The following COL6A5 variants were observed in gnomAD, a reference collection of about 807,000 sequenced individuals.
COL6A5 encodes the protein collagen type VI alpha 5 chain.
COL6A5 carries 48 observed loss-of-function variants against 65.6 expected under a neutral mutation model. The ratio of observed to expected loss-of-function variants is 0.73; its 90% CI spans 0.58 to 0.93. The LOEUF is 0.93. Ranked by LOEUF, COL6A5 falls within the 40% of genes least tolerant of loss-of-function variation. COL6A5 has a pLI of 0.00. For missense variants in COL6A5, 914 were observed against 928.3 expected (o/e 0.98, Z 0.20); for synonymous variants, 291 against 322.8 (o/e 0.90, Z 1.05).
intron 4 of COL6A5, among the ~76,000 whole-genome samples, chr3:130,383,984 A>G (rs1936094054): frequency 6.6e-6 from 1 of 152,120 alleles, no homozygotes; most frequent in Admixed American, 6.6e-5. Flanking sequence ...TCATGAACAA[A>G]TGAAGAAGGT....
intron 17 of COL6A5, among the ~76,000 whole-genome samples, chr3:130,407,570 G>A (rs147991015): frequency 7.2e-5 from 11 of 152,348 alleles, no homozygotes; most frequent in Non-Finnish European, 1.3e-4. Context: ...TGCTAAGGGT[G>A]TAGCGGGGTT....
chr3:130,469,257 C>G, exon 6 of COL6A5: 2 of 1,613,070 alleles, frequency 1.2e-6, no homozygotes, highest in Non-Finnish European at 1.7e-6. Context: ...GCTGGCGAAA[C>G]CAACTCTTTA....
At chr3:130,434,094 C>T (rs1037218837) in intron 1 of COL6A5, among the ~76,000 whole-genome samples, 3 of 152,148 alleles carry the variant, frequency 2.0e-5, no homozygotes, top group Non-Finnish European at 4.4e-5. Flanking sequence ...GCCTCAACCC[C>T]CACCCCTCGA....
chr3:130,470,813 G>A, intron 6 of COL6A5, 58 bp from the exon 39 acceptor site: 2 of 1,250,126 alleles, frequency 1.6e-6, no homozygotes, highest in Non-Finnish European at 2.3e-6. Context: ...TCTGACTTTG[G>A]GTGAGATAAT....
intron 1 of COL6A5, among the ~76,000 whole-genome samples, chr3:130,364,099 A>AT (rs1230164562): frequency 1.2e-4 from 19 of 152,208 alleles, no homozygotes; most frequent in Admixed American, 4.6e-4. Flanking sequence ...CTAAGGTGCT[A>AT]TTAATCGTTG....
At chr3:130,367,821 G>A (rs1456542301) in intron 1 of COL6A5, among the ~76,000 whole-genome samples, 2 of 152,146 alleles carry the variant, frequency 1.3e-5, no homozygotes, top group Non-Finnish European at 2.9e-5. Flanking sequence ...ATCATGAGTC[G>A]GATTTGGTCA....
chr3:130,424,287 C>G (rs1046688199), intron 29 of COL6A5, among the ~76,000 whole-genome samples: 2 of 152,044 alleles, frequency 1.3e-5, no homozygotes, highest in African/African-American at 4.8e-5. Flanking sequence ...ACTATTGTTG[C>G]CTTCCTATCC....
At chr3:130,482,876 G>A (rs1710284860) in intron 7 of COL6A5, among the ~76,000 whole-genome samples, 1 of 152,106 alleles carries the variant, frequency 6.6e-6, no homozygotes, top group Non-Finnish European at 1.5e-5. Context: ...AAATGCTTGT[G>A]ATTTTTGCAC....
exon 3 of COL6A5, chr3:130,376,410 G>A: frequency 4.3e-6 from 7 of 1,613,416 alleles, no homozygotes; most frequent in Non-Finnish European, 5.9e-6. Flanking sequence ...GTTTCACAGT[G>A]AATTCCATCT....
intron 12 of COL6A5, 66 bp downstream of exon 12, chr3:130,401,920 T>C: frequency 2.6e-6 from 3 of 1,165,824 alleles, no homozygotes; most frequent in Non-Finnish European, 3.7e-6. Flanking sequence ...GGACTGAGAC[T>C]GAGTGGTTGA....
At chr3:130,470,902 G>A (rs1302629444) in exon 7 of COL6A5, 1 of 1,612,572 alleles carries the variant, frequency 6.2e-7, no homozygotes, top group South Asian at 1.1e-5. Context: ...CCGAAGATAT[G>A]AAAGCCACAT....
chr3:130,351,394 G>T (rs531141730), intron 1 of COL6A5, among the ~76,000 whole-genome samples: 1 of 152,096 alleles, frequency 6.6e-6, no homozygotes, highest in East Asian at 1.9e-4. Context: ...AAATGGGAGA[G>T]AATTTTTGCA....
intron 1 of COL6A5, among the ~76,000 whole-genome samples, chr3:130,356,714 A>T (rs2107617082): frequency 1.3e-5 from 2 of 152,252 alleles, no homozygotes; most frequent in Middle Eastern, 3.4e-3. Flanking sequence ...AAAACAACCA[A>T]ATCAAAATGG....
At chr3:130,395,387 C>T in exon 8 of COL6A5, 1 of 1,548,120 alleles carries the variant, frequency 6.5e-7, no homozygotes, top group Non-Finnish European at 8.7e-7. Context: ...AATCACTTTT[C>T]AAGACTTTGA....
intron 7 of COL6A5, 55 bp from the exon 8 acceptor site, chr3:130,394,835 G>C: frequency 7.2e-7 from 1 of 1,381,086 alleles, no homozygotes; most frequent in Non-Finnish European, 9.8e-7. Context: ...TATGAGGAAA[G>C]GAAAAATTTC....
chr3:130,448,950 G>A, intron 4 of COL6A5, among the ~76,000 whole-genome samples: 1 of 152,208 alleles, frequency 6.6e-6, no homozygotes, highest in East Asian at 1.9e-4. Context: ...AGGTATGCCA[G>A]GTTGGACGGC....
In COL6A5 at chr3:130,398,125, G is replaced by C. The variant is rs760027409; in HGVS notation, c.3991+14G>C. 1.9e-6 allele frequency: 2 copies of C among 1,061,732 alleles called. No homozygotes were observed. The highest frequency in any genetic ancestry group is 2.6e-6 in the Non-Finnish European group (2 of 776,158). The allele number at this position is 1,061,732 out of a possible 1,614,324, so 65.8% of individuals were successfully genotyped here. A position where few individuals can be genotyped will look rare whatever the true frequency, so the allele number is the denominator to read the frequency against. ...TCAGAGAAGCAGGTATTGAGTTGTT[G>C]TTGTTTTTTTTTTTTTTTTTTTTGA... On this transcript the variant is annotated intron_variant and NMD_transcript_variant, in intron 10 of 41. Transcript: ENST00000312481.
chr3:130,420,104 G>C (rs1391273088), intron 25 of COL6A5, among the ~76,000 whole-genome samples: 4 of 150,912 alleles, frequency 2.7e-5, no homozygotes, highest in African/African-American at 9.7e-5. Flanking sequence ...CTTTTTATGT[G>C]ATCTAATTTG....
intron 4 of COL6A5, 43 bp from the exon 5 acceptor site, chr3:130,384,761 T>C: frequency 6.9e-7 from 1 of 1,449,706 alleles, no homozygotes; most frequent in Non-Finnish European, 9.2e-7. Flanking sequence ...TGCAAAGTTC[T>C]CTCTAGGTTC....
Sources: gnomAD v4.1 joint callset for allele counts (sites outside exome capture counted in the v4.1 genomes callset) on GRCh38, gnomAD v4.1.1 for gene constraint, MANE v1.5 for transcripts, NCBI Gene and HGNC (gene_info 2026-07-23, HGNC 2026-07-21) for gene names.